Variants in PGM5 observed in about 807,000 individuals in gnomAD.
PGM5 encodes phosphoglucomutase 5.
In PGM5, 23 loss-of-function variants were observed where a neutral mutation model predicts 59.2. The ratio of observed to expected loss-of-function variants is 0.39; its 90% CI spans 0.28 to 0.55. The LOEUF is 0.55. Among genes scored for constraint, PGM5 ranks in the 20% least tolerant of loss-of-function variants. PGM5 has a pLI of 0.66. For missense variants in PGM5, 574 were observed against 748.3 expected, an observed-to-expected ratio of 0.77 and a Z score of 2.72; for synonymous variants, 214 against 286.0, an observed-to-expected ratio of 0.75 and a Z score of 2.54.
intron 2 of PGM5, among the ~76,000 whole-genome samples, chr9:68,381,637 C>T (rs1474540361): frequency 7.0e-6 from 1 of 142,610 alleles, no homozygotes; most frequent in Admixed American, 6.9e-5. Flanking sequence ...AGATTCTACA[C>T]ATGCACACAC....
chr9:68,483,360 T>G (rs531528527), intron 8 of PGM5, among the ~76,000 whole-genome samples: 2 of 152,164 alleles, frequency 1.3e-5, no homozygotes, highest in Non-Finnish European at 2.9e-5. Context: ...ACAGTGGGTT[T>G]GAAAATGGAA....
At position 68,479,433 on chromosome 9, in the gene PGM5, G is replaced by A. The variant is rs782746004; in HGVS notation, c.1175G>A (p.Arg392Gln). 7 of 1,612,922 alleles carry A rather than the reference G, an allele frequency of 4.3e-6. No homozygotes were observed. Among genetic ancestry groups the A allele is most frequent in the Admixed American group, 3.4e-5 (2 of 59,662 alleles). The change falls in exon 8 of 11, where the codon CGA becomes CAA. Residue 392 changes from arginine to glutamine, a missense_variant. Arg to Gln is a conservative substitution (Grantham distance 43). Coordinates refer to ENST00000396396, the MANE Select transcript of PGM5 (RefSeq NM_021965.4). ...ESFGTGSDHL[R>Q]EKDGLWAVLV... Reference sequence around the variant, plus strand: ...TCACCTTTAGGCTCTGACCACCTCCGAGAGAAGGATGGCCTGTGGGCTGTC... The same window carrying A: ...TCACCTTTAGGCTCTGACCACCTCCAAGAGAAGGATGGCCTGTGGGCTGTC...
intron 6 of PGM5, among the ~76,000 whole-genome samples, chr9:68,404,543 G>A (rs1554680940): frequency 1.3e-5 from 2 of 152,156 alleles, no homozygotes; most frequent in African/African-American, 4.8e-5. Flanking sequence ...TGAGATGCCC[G>A]AGCCTAGGAA....
At chr9:68,515,041 A>G (rs1481002554) in intron 10 of PGM5, among the ~76,000 whole-genome samples, 2 of 152,264 alleles carry the variant, frequency 1.3e-5, no homozygotes, top group South Asian at 2.1e-4. Flanking sequence ...TGAGGTAAAG[A>G]AAGTTCTAAT....
At chr9:68,465,679 A>G (rs1410791644) in intron 7 of PGM5, among the ~76,000 whole-genome samples, 2 of 152,172 alleles carry the variant, frequency 1.3e-5, no homozygotes, top group African/African-American at 4.8e-5. Flanking sequence ...CCACAGTACC[A>G]TTATCACACC....
At chr9:68,357,488 G>A in intron 1 of PGM5, 100 bp downstream of exon 1, 1 of 1,506,806 alleles carries the variant, frequency 6.6e-7, no homozygotes, top group Non-Finnish European at 8.9e-7. Context: ...GGAGGCCCCT[G>A]CCCGGCCCCG....
At chr9:68,392,588 A>G (rs1465746170) in intron 6 of PGM5, 115 bp downstream of exon 6, 13 of 1,507,760 alleles carry the variant, frequency 8.6e-6, no homozygotes, top group Non-Finnish European at 1.2e-5. Context: ...CGTTGAAAGC[A>G]TGGGAACACG....
intron 6 of PGM5, among the ~76,000 whole-genome samples, chr9:68,432,218 G>C (rs138516465): frequency 0.011 from 1,373 of 129,700 alleles, 16 homozygotes; most frequent in African/African-American, 0.039. Flanking sequence ...TTTTTTTTTT[G>C]AGACAAAGTC....
intron 6 of PGM5, among the ~76,000 whole-genome samples, chr9:68,425,189 G>C (rs1823213636): frequency 6.6e-6 from 1 of 152,280 alleles, no homozygotes. Context: ...GAACAAGCCA[G>C]AGTTATCAAA....
intron 10 of PGM5, among the ~76,000 whole-genome samples, chr9:68,516,150 T>C (rs1824820283): frequency 6.6e-6 from 1 of 152,232 alleles, no homozygotes; most frequent in African/African-American, 2.4e-5. Flanking sequence ...GATTTGGGCC[T>C]CAGAGCCCAA....
intron 1 of PGM5, among the ~76,000 whole-genome samples, chr9:68,363,724 G>A (rs1554676459): frequency 6.6e-6 from 1 of 152,306 alleles, no homozygotes; most frequent in African/African-American, 2.4e-5. Flanking sequence ...AGATGGTTGA[G>A]GGGCCTTGGA....
chr9:68,488,353 G>GA (rs1386701009), intron 9 of PGM5, among the ~76,000 whole-genome samples: 2 of 152,062 alleles, frequency 1.3e-5, no homozygotes, highest in Non-Finnish European at 2.9e-5. Flanking sequence ...ATAAACCATG[G>GA]AAAAAAATCC....
At chr9:68,357,497 C>A in intron 1 of PGM5, 109 bp downstream of exon 1, 2 of 1,501,954 alleles carry the variant, frequency 1.3e-6, no homozygotes, top group Non-Finnish European at 1.8e-6. Context: ...TGCCCGGCCC[C>A]GGCTTTGCTA....
At chr9:68,411,484 G>GTATATATATATATATA (rs782186409) in intron 6 of PGM5, among the ~76,000 whole-genome samples, 144 of 105,942 alleles carry the variant, frequency 1.4e-3, no homozygotes, top group Non-Finnish European at 2.7e-3. Context: ...GTGTGTGTGT[G>GTATATATATATATATA]TGTGTATATA....
At chr9:68,483,583 G>A (rs1824235240) in intron 8 of PGM5, among the ~76,000 whole-genome samples, 1 of 152,190 alleles carries the variant, frequency 6.6e-6, no homozygotes, top group Non-Finnish European at 1.5e-5. Flanking sequence ...CACAGTGCCT[G>A]ATAGACCAAG....
intron 6 of PGM5, among the ~76,000 whole-genome samples, chr9:68,401,968 A>C (rs1377007834): frequency 1.3e-5 from 2 of 151,578 alleles, no homozygotes; most frequent in Admixed American, 6.6e-5. Context: ...TACACTTAGA[A>C]GTGATGAATT....
chr9:68,461,583 C>T (rs1030199728), intron 6 of PGM5, among the ~76,000 whole-genome samples: 4 of 152,066 alleles, frequency 2.6e-5, no homozygotes, highest in Non-Finnish European at 4.4e-5. Context: ...GGGCTCCTTC[C>T]TCATTAATGG....
chr9:68,406,660 G>GTATATATATATATATATATATATATA (rs1305648432), intron 6 of PGM5, among the ~76,000 whole-genome samples: 3 of 57,634 alleles, frequency 5.2e-5, no homozygotes, highest in African/African-American at 2.0e-4. Flanking sequence ...ATTAAATTAG[G>GTATATATATATATATATATATATATA]TATATATATA....
At chr9:68,497,621 T>TA (rs782384189) in intron 9 of PGM5, 3 of 152,044 alleles carry the variant, frequency 2.0e-5, no homozygotes, top group Non-Finnish European at 4.4e-5. Context: ...GGTATATATA[T>TA]TTTTACTAAT....
Sources: gnomAD v4.1 joint callset for allele counts (sites outside exome capture counted in the v4.1 genomes callset) on GRCh38, gnomAD v4.1.1 for gene constraint, MANE v1.5 for transcripts, NCBI Gene and HGNC (gene_info 2026-07-23, HGNC 2026-07-21) for gene names.